The following GRIP1 variants were observed in gnomAD, a reference collection of about 807,000 sequenced individuals.
GRIP1 encodes glutamate receptor-interacting protein 1.
GRIP1 carries 45 observed loss-of-function variants against 129.9 expected under a neutral mutation model. That is an observed-to-expected ratio of 0.35 (90% confidence interval 0.27 to 0.44). The LOEUF (loss-of-function observed/expected upper bound fraction) is 0.44, where lower values mean the gene tolerates loss of function less well. Ranked by LOEUF, GRIP1 falls within the 20% of genes least tolerant of loss-of-function variation. The pLI is 1.00. For missense variants in GRIP1, 1,196 were observed against 1,396.8 expected (o/e 0.86, Z 2.29); for synonymous variants, 530 against 520.8 (o/e 1.02, Z -0.24).
intron 1 of GRIP1, among the ~76,000 whole-genome samples, chr12:66,749,987 TGAG>T (rs1406840559): frequency 6.6e-6 from 1 of 152,178 alleles, no homozygotes; most frequent in Non-Finnish European, 1.5e-5. Flanking sequence ...AAGTACCACT[TGAG>T]GTAATCTGTA....
intron 1 of GRIP1, among the ~76,000 whole-genome samples, chr12:66,650,747 T>C (rs2032735446): frequency 6.6e-6 from 1 of 152,162 alleles, no homozygotes; most frequent in African/African-American, 2.4e-5. Context: ...TCTTGAGGGT[T>C]CAACTCTTCC....
At chr12:66,956,045 T>A (rs935359923) in intron 1 of GRIP1, among the ~76,000 whole-genome samples, 4 of 152,220 alleles carry the variant, frequency 2.6e-5, no homozygotes, top group Non-Finnish European at 5.9e-5. Flanking sequence ...TCAAGCAGCT[T>A]CCTCTAATAT....
intron 1 of GRIP1, among the ~76,000 whole-genome samples, chr12:66,660,554 A>G (rs1172659134): frequency 6.6e-6 from 1 of 152,184 alleles, no homozygotes; most frequent in African/African-American, 2.4e-5. Flanking sequence ...CATCTTCAAC[A>G]TTTATATTTC....
chr12:66,598,835 T>C (rs1360382229), intron 1 of GRIP1, among the ~76,000 whole-genome samples: 2 of 152,188 alleles, frequency 1.3e-5, no homozygotes, highest in Non-Finnish European at 2.9e-5. Context: ...CTCAGTTTTC[T>C]ATTTGTCAAG....
chr12:66,441,047 C>G (rs11176182), intron 13 of GRIP1, among the ~76,000 whole-genome samples: 311 of 152,340 alleles, frequency 2.0e-3, no homozygotes, highest in Middle Eastern at 3.4e-3. Flanking sequence ...GCAAGCAGAG[C>G]ATCTCTGTAT....
chr12:66,974,676 T>C (rs2042126294), intron 1 of GRIP1, among the ~76,000 whole-genome samples: 1 of 152,258 alleles, frequency 6.6e-6, no homozygotes, highest in Non-Finnish European at 1.5e-5. Flanking sequence ...GCAAGGTGTC[T>C]GGTGTACAGT....
intron 23 of GRIP1, among the ~76,000 whole-genome samples, chr12:66,369,451 G>A (rs560136511): frequency 1.3e-5 from 2 of 151,112 alleles, no homozygotes; most frequent in Non-Finnish European, 2.9e-5. Context: ...TTCAGTGAAG[G>A]AGGGATGAGA....
chr12:66,664,356 T>C (rs541678770), intron 1 of GRIP1, among the ~76,000 whole-genome samples: 143 of 152,320 alleles, frequency 9.4e-4, no homozygotes, highest in African/African-American at 3.2e-3. Context: ...AAAATAACTT[T>C]ATATTTTTGC....
intron 1 of GRIP1, chr12:67,065,031 C>T (rs2043600390): frequency 6.6e-6 from 1 of 151,106 alleles, no homozygotes; most frequent in African/African-American, 2.4e-5. Flanking sequence ...CGATAGTTTA[C>T]TGAGAATGAT....
intron 1 of GRIP1, among the ~76,000 whole-genome samples, chr12:66,961,573 T>C (rs2041921691): frequency 1.3e-5 from 2 of 152,304 alleles, no homozygotes; most frequent in Admixed American, 6.5e-5. Context: ...GACCAAGTTA[T>C]AGAAGGCCAT....
chr12:66,434,510 G>C (rs2058243687), intron 13 of GRIP1, among the ~76,000 whole-genome samples: 1 of 152,180 alleles, frequency 6.6e-6, no homozygotes. Context: ...ACTTGAGATA[G>C]AGCAAATTAT....
At chr12:66,387,185 C>T (rs1185951834) in intron 19 of GRIP1, among the ~76,000 whole-genome samples, 1 of 152,164 alleles carries the variant, frequency 6.6e-6, no homozygotes, top group East Asian at 1.9e-4. Context: ...AACTCCAATG[C>T]TTTGTTTGGA....
intron 1 of GRIP1, among the ~76,000 whole-genome samples, chr12:66,860,312 T>C (rs2040089395): frequency 6.6e-6 from 1 of 152,082 alleles, no homozygotes; most frequent in Non-Finnish European, 1.5e-5. Flanking sequence ...GACAGTGGTA[T>C]CTATCTCTTA....
At chr12:66,669,396 A>C (rs1287675312) in intron 1 of GRIP1, among the ~76,000 whole-genome samples, 2 of 152,016 alleles carry the variant, frequency 1.3e-5, no homozygotes, top group African/African-American at 2.4e-5. Context: ...TCAATAAATA[A>C]ATAAATAAAT....
intron 1 of GRIP1, among the ~76,000 whole-genome samples, chr12:67,032,267 T>G (rs999925836): frequency 6.6e-6 from 1 of 152,208 alleles, no homozygotes; most frequent in African/African-American, 2.4e-5. Flanking sequence ...TTGTATATGT[T>G]TGTATATATA....
chr12:66,862,677 G>A (rs2040133171), intron 1 of GRIP1, among the ~76,000 whole-genome samples: 1 of 151,938 alleles, frequency 6.6e-6, no homozygotes. Context: ...AGTAGTCTAG[G>A]AAAATTGACC....
In GRIP1 at chr12:66,455,508, A is replaced by T. The variant is rs558235622; in HGVS notation, c.1255T>A (p.Ser419Thr). 4.3e-6 allele frequency: 7 copies of T among 1,612,610 alleles called. No individual in the cohort carries two copies. The South Asian group carries it at 7.7e-5, about 18-fold the overall frequency. The change falls in exon 11 of 25, where the codon TCC becomes ACC. Residue 419 changes from serine to threonine, a missense_variant. By Grantham distance (58) the Ser-to-Thr change is moderately conservative. Around this residue, in one of 5 missense-constraint regions of GRIP1, gnomAD observed 508 missense variants for 587.0 expected, o/e 0.87. Coordinates refer to ENST00000359742, the MANE Select transcript of GRIP1 (RefSeq NM_001366722.1). ...CGAGGTAGAGTCCCCATGTTCAGGG[A>T]ACTCAGGCTGTATGCACTCATGGAG... ...PTSMSAYSLSSLNMGTLPRSL... is the reference protein window; with the variant it reads ...PTSMSAYSLSTLNMGTLPRSL...
In GRIP1 at chr12:66,972,253, A is replaced by G. The variant is rs139369638; in HGVS notation, c.58+96797T>C. 1.9e-4 allele frequency among the ~76,000 whole-genome samples: 29 copies of G among 152,336 alleles called. No individual in the cohort carries two copies. In the East Asian group the frequency reaches 4.8e-3, roughly 25 times the overall value. ...TTCTACATCACTCCAAAAAGTAGGA[A>G]TCTAGTCTCTGTCTGAGTACTTCAA... On this transcript the variant is annotated intron_variant, in intron 1 of 1. Transcript: ENST00000643019.
intron 4 of GRIP1, among the ~76,000 whole-genome samples, chr12:66,535,579 A>G (rs2061581439): frequency 1.3e-5 from 2 of 152,212 alleles, no homozygotes; most frequent in Non-Finnish European, 2.9e-5. Context: ...TCACAAAGAC[A>G]GAAATGAGCA....
Sources: gnomAD v4.1 joint callset for allele counts (sites outside exome capture counted in the v4.1 genomes callset) on GRCh38, gnomAD v4.1.1 for gene constraint, gnomAD v4.1.1 regional missense constraint, MANE v1.5 for transcripts, NCBI Gene and HGNC (gene_info 2026-07-23, HGNC 2026-07-21) for gene names.